The following RNF212 variants were observed in gnomAD, a reference collection of about 807,000 sequenced individuals.
RNF212 encodes ring finger protein 212.
Under a neutral mutation model 34.7 loss-of-function variants are expected in RNF212, and 33 were observed. That is an observed-to-expected ratio of 0.95 (90% CI 0.72 to 1.27). The LOEUF is 1.27. Ranked by LOEUF, RNF212 falls within the 50% of genes most tolerant of loss-of-function variation. The pLI is 0.00. For missense variants in RNF212, 377 were observed against 362.2 expected (o/e 1.04, Z -0.33); for synonymous variants, 140 against 136.1 (o/e 1.03, Z -0.20).
At chr4:1,083,970 C>T (rs1321915987) in intron 5 of RNF212, among the ~76,000 whole-genome samples, 15 of 121,372 alleles carry the variant, frequency 1.2e-4, no homozygotes, top group African/African-American at 3.7e-4. Context: ...TTTTGAGAGA[C>T]GGAGTTTTGC....
upstream of RNF212, chr4:1,113,587 C>CTCTGCG: frequency 1.5e-6 from 1 of 686,668 alleles, no homozygotes; most frequent in African/African-American, 1.9e-5. Context: ...TCGACGGCAG[C>CTCTGCG]CCTGCGCCCG....
At chr4:1,098,168 T>C (rs1342395556) in intron 2 of RNF212, among the ~76,000 whole-genome samples, 1 of 146,804 alleles carries the variant, frequency 6.8e-6, no homozygotes, top group Non-Finnish European at 1.5e-5. Flanking sequence ...CATTCTGTGG[T>C]TCAGGACAGT....
intron 3 of RNF212, among the ~76,000 whole-genome samples, chr4:1,059,721 C>A (rs370595034): frequency 7.2e-5 from 11 of 152,246 alleles, no homozygotes; most frequent in African/African-American, 2.7e-4. Flanking sequence ...AAACCCTGTA[C>A]ATTGAACACA....
intron 3 of RNF212, among the ~76,000 whole-genome samples, chr4:1,061,426 C>T (rs929870092): frequency 2.6e-5 from 4 of 152,136 alleles, no homozygotes; most frequent in African/African-American, 4.8e-5. Context: ...AGAAAAATAA[C>T]GGGGAAATGC....
At chr4:1,090,881 T>G (rs373656791) in intron 3 of RNF212, 43 bp from the exon 4 acceptor site, 1 of 1,284,342 alleles carries the variant, frequency 7.8e-7, no homozygotes. Flanking sequence ...AGATCCACGG[T>G]CTCTGTGGCT....
intron 3 of RNF212, among the ~76,000 whole-genome samples, chr4:1,095,127 G>A (rs636976): frequency 0.16 from 21,819 of 139,078 alleles, 2,938 homozygotes; most frequent in African/African-American, 0.38. Flanking sequence ...TCAGGATAGC[G>A]CACCTGGCTC....
chr4:1,058,164 A>T (rs191857987), intron 4 of RNF212, among the ~76,000 whole-genome samples: 2 of 151,012 alleles, frequency 1.3e-5, no homozygotes, highest in East Asian at 3.9e-4. Flanking sequence ...TTTAGCACTA[A>T]TTCTCTCTGG....
intron 2 of RNF212, among the ~76,000 whole-genome samples, chr4:1,102,906 CCGAGGCGGGTGGATCA>C (rs1448574497): frequency 1.3e-5 from 2 of 151,444 alleles, no homozygotes; most frequent in African/African-American, 4.9e-5. Flanking sequence ...CTTTGGGAGG[CCGAGGCGGGTGGATCA>C]CGAGGTCAGG....
intron 3 of RNF212, chr4:1,093,820 G>A (rs1312714648): frequency 1.3e-6 from 2 of 1,536,304 alleles, no homozygotes; most frequent in Non-Finnish European, 1.7e-6. Flanking sequence ...CGTCCTGGAT[G>A]GTGTTTCCCT....
At chr4:1,056,536 T>C (rs1426485407) in intron 4 of RNF212, 19 of 969,350 alleles carry the variant, frequency 2.0e-5, no homozygotes, top group Middle Eastern at 2.9e-4. Flanking sequence ...ACATGTTACA[T>C]ACAAAAAATA....
chr4:1,068,023 T>C (rs1718203357), downstream of RNF212, among the ~76,000 whole-genome samples: 2 of 152,116 alleles, frequency 1.3e-5, no homozygotes, highest in African/African-American at 4.8e-5. Flanking sequence ...CAGTTAAAAC[T>C]GTGAAGATGG....
At chr4:1,081,675 G>C (rs1430965647) in intron 5 of RNF212, 56 bp from the exon 6 acceptor site, 43 of 1,237,518 alleles carry the variant, frequency 3.5e-5, no homozygotes, top group Middle Eastern at 4.1e-4. Context: ...CTTCCCCCCA[G>C]GTCATCCCAA....
chr4:1,110,082 G>A (rs1422692950), intron 1 of RNF212, among the ~76,000 whole-genome samples: 1 of 152,128 alleles, frequency 6.6e-6, no homozygotes, highest in Non-Finnish European at 1.5e-5. Context: ...AAGATTAACA[G>A]AGCCGACTCA....
chr4:1,111,409 G>C (rs1258365554), intron 1 of RNF212, among the ~76,000 whole-genome samples: 1 of 152,092 alleles, frequency 6.6e-6, no homozygotes, highest in Non-Finnish European at 1.5e-5. Context: ...GCTCTCACAG[G>C]ATACAGGCCG....
At chr4:1,087,645 T>G (rs945076709) in intron 4 of RNF212, among the ~76,000 whole-genome samples, 1 of 141,726 alleles carries the variant, frequency 7.1e-6, no homozygotes, top group Admixed American at 7.4e-5. Context: ...CAGAATGTGG[T>G]GGGGGTATGA....
At chr4:1,057,690 G>A (rs1398017660) in intron 4 of RNF212, among the ~76,000 whole-genome samples, 1 of 152,222 alleles carries the variant, frequency 6.6e-6, no homozygotes, top group Non-Finnish European at 1.5e-5. Flanking sequence ...TCCTGTGGTA[G>A]AACAGCACGC....
intron 8 of RNF212, among the ~76,000 whole-genome samples, chr4:1,078,751 TCAACACAGAAC>T (rs1420762173): frequency 6.6e-6 from 1 of 150,602 alleles, no homozygotes; most frequent in Non-Finnish European, 1.5e-5. Context: ...CAACGCAGGA[TCAACACAGAAC>T]CAACATAGGA....
chr4:1,101,872 T>C (rs139595779), intron 2 of RNF212, among the ~76,000 whole-genome samples: 457 of 152,288 alleles, frequency 3.0e-3, no homozygotes, highest in Non-Finnish European at 5.0e-3. Flanking sequence ...TTCTGAAAAA[T>C]TGACTGAGGT....
At position 1,071,808 on chromosome 4, in the gene RNF212, C is replaced by T. The variant is rs893465918; in HGVS notation, c.*1066G>A. On this transcript the variant is annotated 3_prime_UTR_variant, in exon 10 of 10. Coordinates refer to ENST00000433731, the MANE Select transcript of RNF212 (RefSeq NM_001131034.4). ...ACGTGGAGCAACAGGAACTCTCATT[C>T]GTTGCTAGTGGGAATGCGAAAAGCT... 4 of 152,236 alleles carry T rather than the reference C, an allele frequency of 2.6e-5. No individual in the cohort carries two copies. The highest frequency in any genetic ancestry group is 6.5e-5 in the Admixed American group (1 of 15,282). 9.4% of individuals were successfully genotyped at this position (152,236 alleles called of 1,614,324 possible). A position where few individuals can be genotyped will look rare whatever the true frequency, so the allele number is the denominator to read the frequency against.
Sources: gnomAD v4.1 joint callset for allele counts (sites outside exome capture counted in the v4.1 genomes callset) on GRCh38, gnomAD v4.1.1 for gene constraint, MANE v1.5 for transcripts, NCBI Gene and HGNC (gene_info 2026-07-23, HGNC 2026-07-21) for gene names.